LOXL2: variants seen among roughly 807,000 people sequenced by gnomAD.
LOXL2 encodes the protein lysyl oxidase homolog 2.
A neutral mutation model predicts 93.0 loss-of-function variants in LOXL2; 70 were observed. That is an observed-to-expected ratio of 0.75 (90% CI 0.62 to 0.92). LOXL2 has a LOEUF of 0.92. Among genes scored for constraint, LOXL2 ranks in the 40% least tolerant of loss-of-function variants. The pLI is 0.00. For missense variants in LOXL2, 973 were observed against 1,054.9 expected (o/e 0.92, Z 1.08); for synonymous variants, 438 against 413.2 (o/e 1.06, Z -0.73).
chr8:23,310,350 C>T (rs1215819605), intron 9 of LOXL2, among the ~76,000 whole-genome samples: 2 of 152,210 alleles, frequency 1.3e-5, no homozygotes, highest in African/African-American at 2.4e-5. Context: ...AGAAAGAACA[C>T]CTCTAATACC....
intron 3 of LOXL2, among the ~76,000 whole-genome samples, chr8:23,352,031 T>C (rs1804102295): frequency 6.7e-6 from 1 of 148,274 alleles, no homozygotes; most frequent in South Asian, 2.1e-4. Context: ...CAGGCTGGTC[T>C]CGAACTCCTG....
rs762098141 is a variant in LOXL2, at chr8:23,396,232, C to G, written c.-84+7722G>C. Among the ~76,000 whole-genome samples, 5 of 151,956 alleles carry G rather than the reference C, an allele frequency of 3.3e-5. No homozygotes were observed. The South Asian group carries it at 1.0e-3, about 31-fold the overall frequency. ...ACTCGGGAGGCTGAGGCAAGAGAATCGCTTGAACCCAGGAGGTGGAGGTTG... is the reference window on the plus strand; with the variant it reads ...ACTCGGGAGGCTGAGGCAAGAGAATGGCTTGAACCCAGGAGGTGGAGGTTG... On this transcript the variant is annotated intron_variant, in intron 1 of 13. Transcript: ENST00000389131.
intron 1 of LOXL2, among the ~76,000 whole-genome samples, chr8:23,374,965 T>C (rs1423121039): frequency 1.6e-4 from 25 of 152,178 alleles, no homozygotes; most frequent in Non-Finnish European, 2.9e-4. Flanking sequence ...TCCCATTTGT[T>C]AATTTTGGCT....
At chr8:23,304,328 A>G (rs969410878) in intron 10 of LOXL2, among the ~76,000 whole-genome samples, 1 of 152,226 alleles carries the variant, frequency 6.6e-6, no homozygotes, top group Non-Finnish European at 1.5e-5. Context: ...CAGAATAAAC[A>G]AGGGAAACGG....
At chr8:23,318,121 T>A (rs1803431854) in intron 8 of LOXL2, among the ~76,000 whole-genome samples, 1 of 151,888 alleles carries the variant, frequency 6.6e-6, no homozygotes, top group Non-Finnish European at 1.5e-5. Flanking sequence ...TAAGGCAGAT[T>A]ACCCTCCATA....
chr8:23,311,093 G>C (rs541441879), intron 9 of LOXL2, among the ~76,000 whole-genome samples: 3 of 152,312 alleles, frequency 2.0e-5, no homozygotes, highest in African/African-American at 7.2e-5. Context: ...TAAGCAAGCA[G>C]AGTCTGTGAG....
At chr8:23,376,090 C>G (rs989311038) in intron 1 of LOXL2, among the ~76,000 whole-genome samples, 7 of 151,772 alleles carry the variant, frequency 4.6e-5, no homozygotes, top group Non-Finnish European at 1.0e-4. Context: ...ATGAATAGCT[C>G]TTATTATTTT....
rs562131371 is a variant in LOXL2 at position 23,376,413 on chromosome 8, G to A, written c.-83-7979C>T. Among the ~76,000 whole-genome samples the A allele has an allele frequency of 5.7e-3, 864 of 152,166 alleles. 10 individuals are homozygous for A. The highest frequency in any genetic ancestry group is 0.02 in the African/African-American group (824 of 41,522). On this transcript the variant is annotated intron_variant, in intron 1 of 13. Coordinates refer to ENST00000389131, the MANE Select transcript of LOXL2 (RefSeq NM_002318.3). ...GTCTAAAATTCTCTTTTTTTGTTGT[G>A]TCTCTGCCAGGCTTTGGTATCAGGA...
chr8:23,385,610 T>C (rs529808028), intron 1 of LOXL2, among the ~76,000 whole-genome samples: 136 of 152,232 alleles, frequency 8.9e-4, no homozygotes, highest in African/African-American at 3.3e-3. Flanking sequence ...TAATCATTAA[T>C]CAGTATCAAT....
intron 6 of LOXL2, among the ~76,000 whole-genome samples, chr8:23,325,402 A>C (rs1470363309): frequency 4.6e-5 from 7 of 151,996 alleles, no homozygotes; most frequent in Non-Finnish European, 8.8e-5. Flanking sequence ...TGATCCTCCC[A>C]CCTCAGCCTT....
intron 1 of LOXL2, among the ~76,000 whole-genome samples, chr8:23,378,056 A>G (rs1292109818): frequency 6.6e-6 from 1 of 152,182 alleles, no homozygotes; most frequent in Non-Finnish European, 1.5e-5. Context: ...ACAATTTGGC[A>G]TGTTTTTGAA....
At chr8:23,331,494 G>A (rs1315509463) in intron 5 of LOXL2, 2 of 152,194 alleles carry the variant, frequency 1.3e-5, no homozygotes, top group African/African-American at 4.8e-5. Flanking sequence ...GGTTTTACCT[G>A]GCACAGGGCA....
At chr8:23,394,398 A>G (rs1463496776) in intron 1 of LOXL2, among the ~76,000 whole-genome samples, 3 of 145,658 alleles carry the variant, frequency 2.1e-5, no homozygotes, top group East Asian at 3.9e-4. Flanking sequence ...GTCTCAGAGA[A>G]AAAAAAAAAA....
intron 1 of LOXL2, among the ~76,000 whole-genome samples, chr8:23,388,630 CA>C (rs1804798936): frequency 7.0e-5 from 1 of 14,268 alleles, no homozygotes; most frequent in African/African-American, 2.4e-4. Flanking sequence ...TACTCACACA[CA>C]CACACACACA....
intron 5 of LOXL2, among the ~76,000 whole-genome samples, chr8:23,332,236 CACACCCCCACACACTT>C (rs1440208878): frequency 1.0e-5 from 1 of 96,722 alleles, no homozygotes; most frequent in Non-Finnish European, 2.2e-5. Flanking sequence ...CCTACACACT[CACACCCCCACACACTT>C]ATACACACCA....
chr8:23,394,994 G>A (rs910637944), intron 1 of LOXL2, among the ~76,000 whole-genome samples: 5 of 152,168 alleles, frequency 3.3e-5, no homozygotes, highest in Admixed American at 2.6e-4. Flanking sequence ...CGTGGCTCCC[G>A]CCTGTAATCC....
chr8:23,343,230 G>A (rs1329007326), intron 3 of LOXL2, among the ~76,000 whole-genome samples: 1 of 152,182 alleles, frequency 6.6e-6, no homozygotes, highest in Non-Finnish European at 1.5e-5. Context: ...GTATATAATA[G>A]CAACAGCTAC....
intron 3 of LOXL2, among the ~76,000 whole-genome samples, chr8:23,353,267 G>A (rs60859503): frequency 0.3 from 45,926 of 151,986 alleles, 8,958 homozygotes; most frequent in African/African-American, 0.55. Flanking sequence ...CAATTTAAGA[G>A]GCTCTGAAAT....
intron 3 of LOXL2, among the ~76,000 whole-genome samples, chr8:23,346,146 T>TAAAA (rs1364307667): frequency 1.0e-4 from 8 of 78,056 alleles, no homozygotes; most frequent in African/African-American, 2.5e-4. Context: ...ATAAAATAAA[T>TAAAA]AAAATAAAAT....
Sources: gnomAD v4.1 joint callset for allele counts (sites outside exome capture counted in the v4.1 genomes callset) on GRCh38, gnomAD v4.1.1 for gene constraint, MANE v1.5 for transcripts, NCBI Gene and HGNC (gene_info 2026-07-23, HGNC 2026-07-21) for gene names.